Variants in LRRC27 observed in about 807,000 individuals in gnomAD.
The protein encoded by LRRC27 is leucine rich repeat containing 27, also known as leucine-rich repeat-containing protein 27.
A neutral mutation model predicts 55.0 loss-of-function variants in LRRC27; 57 were observed. The observed-to-expected ratio is 1.04, with a 90% CI of 0.84 to 1.29. LRRC27 has a LOEUF of 1.29. LRRC27 is among the 50% of genes most tolerant of loss of function. The pLI, the probability that LRRC27 is intolerant of heterozygous loss-of-function variation, is 0.00. For missense variants in LRRC27, 721 were observed against 651.5 expected, an observed-to-expected ratio of 1.11 and a Z score of -1.16; for synonymous variants, 278 against 251.9, an observed-to-expected ratio of 1.10 and a Z score of -0.98.
rs1006767409 is a variant in LRRC27 at position 132,372,717 on chromosome 10, G to T, written c.1417-2349G>T. On this transcript the variant is annotated intron_variant, in intron 10 of 10. Coordinates refer to ENST00000368614, the MANE Select transcript of LRRC27 (RefSeq NM_030626.3). The surrounding 1 kb of genome is among the most constrained non-coding windows in gnomAD (Gnocchi z 4.0). ...AGCTGACCAACCAGGCACCACAGTG[G>T]TGACAGCAGCCATGTTTGGCCTAAA... Among the ~76,000 whole-genome samples the T allele has an allele frequency of 2.0e-5, 3 of 152,230 alleles. No individual in the cohort carries two copies. The highest frequency in any genetic ancestry group is 4.4e-5 in the Non-Finnish European group (3 of 68,038).
At position 132,348,078 on chromosome 10, in the gene LRRC27, C is replaced by T. The variant is rs769922074; in HGVS notation, c.648C>T (p.Asn216=). Residue 216 remains asparagine, a synonymous_variant, in exon 6 of 11, where the codon AAC becomes AAT. Transcript: ENST00000368614. This position sits in a 1 kb window ranked among gnomAD's most constrained non-coding sequence, Gnocchi z 4.2. ...ACGCGTCTAACCAAGGAGCTGTGAA[C>T]GCTCAGGACCCAGAGGGGGCTGTGA... is the stretch of plus-strand genomic sequence containing the variant. ...GDHASNQGAV[N]AQDPEGAVMK... 78 of 1,613,992 alleles carry T rather than the reference C, an allele frequency of 4.8e-5. No homozygotes were observed. Among genetic ancestry groups the T allele is most frequent in the South Asian group, 4.7e-4 (43 of 91,090 alleles).
chr10:132,331,200 C>CAAAAAAAAA (rs35734065), upstream of LRRC27, among the ~76,000 whole-genome samples: 1 of 56,330 alleles, frequency 1.8e-5, no homozygotes, highest in African/African-American at 7.1e-5. Context: ...GACTCCACCT[C>CAAAAAAAAA]AAAAAAAAAA....
At chr10:132,345,523 T>A (rs2067639183) in intron 5 of LRRC27, among the ~76,000 whole-genome samples, 1 of 152,248 alleles carries the variant, frequency 6.6e-6, no homozygotes, top group South Asian at 2.1e-4. Flanking sequence ...CAGGTTATAG[T>A]GGCTGCATTG....
intron 10 of LRRC27, chr10:132,366,991 T>G: frequency 8.0e-7 from 1 of 1,243,756 alleles, no homozygotes; most frequent in Non-Finnish European, 1.0e-6. Flanking sequence ...TAAACTCTTA[T>G]TCTTTCTAAA....
Position 132,381,308 on chromosome 10 carries a change from A to G in LRRC27, c.*6066A>G, listed in dbSNP as rs2069407697. On this transcript the variant is annotated 3_prime_UTR_variant, in exon 11 of 11. Transcript: ENST00000368614. ...TTAGCTTTTGGACTCTTGGACCTACACTGGTGTTTTGCCAGGGGCTCTCGG... is the reference window on the plus strand; with the variant it reads ...TTAGCTTTTGGACTCTTGGACCTACGCTGGTGTTTTGCCAGGGGCTCTCGG... Among the ~76,000 whole-genome samples, 1 of 152,202 alleles carries G rather than the reference A, an allele frequency of 6.6e-6. No individual in the cohort carries two copies. Among genetic ancestry groups the G allele is most frequent in the Non-Finnish European group, 1.5e-5 (1 of 68,036 alleles).
In LRRC27 at chr10:132,380,662, A is replaced by G. The variant is rs2069400098; in HGVS notation, c.*5420A>G. On this transcript the variant is annotated 3_prime_UTR_variant, in exon 11 of 11. Coordinates refer to ENST00000368614, the MANE Select transcript of LRRC27 (RefSeq NM_030626.3). ...CAACAGAGTGAGACCCCAACTTGAAAAAAAGGGGACATCGGGATGTTCTTG... is the reference window on the plus strand; with the variant it reads ...CAACAGAGTGAGACCCCAACTTGAAGAAAAGGGGACATCGGGATGTTCTTG... Among the ~76,000 whole-genome samples, 1 of 152,210 alleles carries G rather than the reference A, an allele frequency of 6.6e-6. No homozygotes were observed. Among genetic ancestry groups the G allele is most frequent in the African/African-American group, 2.4e-5 (1 of 41,446 alleles).
intron 6 of LRRC27, chr10:132,350,291 C>T (rs776874383): frequency 1.3e-5 from 2 of 152,264 alleles, no homozygotes; most frequent in Non-Finnish European, 2.9e-5. Context: ...TGGAGTACGA[C>T]GGAGCATCAC....
In LRRC27 at chr10:132,348,293, C is replaced by T. The variant is rs774915268; in HGVS notation, c.863C>T (p.Pro288Leu). 19 of 1,613,954 alleles carry T rather than the reference C, an allele frequency of 1.2e-5. No homozygotes were observed. Among genetic ancestry groups the T allele is most frequent in the Non-Finnish European group, 1.5e-5 (18 of 1,180,056 alleles). Reference protein sequence around the residue: ...LGDQLLTRELPPNLKAALNIE... With the variant: ...LGDQLLTRELLPNLKAALNIE... ...GATCAGCTCTTGACGAGGGAATTAC[C>T]TCCAAATCTCAAGGCGGCCTTGAAC... The change falls in exon 6 of 11, where the codon CCT (proline) becomes CTT (leucine). Residue 288 changes from proline (P) to leucine (L), a missense_variant. By Grantham distance (98) the Pro-to-Leu change is moderately conservative (BLOSUM62 -3). Transcript: ENST00000368614. This position sits in a 1 kb window ranked among gnomAD's most constrained non-coding sequence, Gnocchi z 4.2.
At position 132,371,862 on chromosome 10, in the gene LRRC27, G is replaced by C. The variant is rs113097539; in HGVS notation, c.1417-3204G>C. Among the ~76,000 whole-genome samples the C allele has an allele frequency of 8.5e-4, 129 of 152,350 alleles. 2 individuals carry two copies. Among genetic ancestry groups the C allele is most frequent in the African/African-American group, 3.0e-3 (126 of 41,584 alleles). ...CTGCAGAGCCAGTGTGCAGGAGTCTGTCTCTGGTGGGGGTGCTGTCCTCTC... is the reference window on the plus strand; with the variant it reads ...CTGCAGAGCCAGTGTGCAGGAGTCTCTCTCTGGTGGGGGTGCTGTCCTCTC... On this transcript the variant is annotated intron_variant, in intron 10 of 10. Coordinates refer to ENST00000368614, the MANE Select transcript of LRRC27 (RefSeq NM_030626.3).
Position 132,379,239 on chromosome 10 carries a change from C to G in LRRC27, c.*3997C>G, listed in dbSNP as rs1299509198. Reference sequence around the variant, plus strand: ...CGTGTTCTCGGGGAGTGCGTGGTCTCAGATCCCATCCTGCTCCTCTCCAGA... The same window carrying G: ...CGTGTTCTCGGGGAGTGCGTGGTCTGAGATCCCATCCTGCTCCTCTCCAGA... On this transcript the variant is annotated 3_prime_UTR_variant, in exon 11 of 11. Coordinates refer to ENST00000368614, the MANE Select transcript of LRRC27 (RefSeq NM_030626.3). 2 of 139,968 alleles carry G rather than the reference C, an allele frequency of 1.4e-5. No homozygotes were observed. The highest frequency in any genetic ancestry group is 2.8e-5 in the African/African-American group (1 of 35,868). 8.7% of individuals were successfully genotyped at this position (139,968 alleles called of 1,614,324 possible).
intron 3 of LRRC27, among the ~76,000 whole-genome samples, chr10:132,338,613 C>G (rs11146337): frequency 6.6e-6 from 1 of 152,148 alleles, no homozygotes; most frequent in South Asian, 2.1e-4. Flanking sequence ...GTCCTCCTTT[C>G]CTGAGCTCTC....
intron 2 of LRRC27, among the ~76,000 whole-genome samples, chr10:132,336,552 G>T (rs910528271): frequency 2.6e-5 from 4 of 152,226 alleles, no homozygotes; most frequent in Non-Finnish European, 4.4e-5. Flanking sequence ...GGCATGTGGT[G>T]CTCTGTGCAA....
chr10:132,336,365 G>T (rs368420112), intron 2 of LRRC27, among the ~76,000 whole-genome samples: 1 of 152,238 alleles, frequency 6.6e-6, no homozygotes, highest in South Asian at 2.1e-4. Context: ...TTGCCAGGAT[G>T]CTTTCTGGAG....
intron 6 of LRRC27, chr10:132,349,206 C>G: frequency 1.5e-6 from 1 of 649,016 alleles, no homozygotes; most frequent in Non-Finnish European, 2.7e-6. Flanking sequence ...GCCGAGGGGA[C>G]AACAATGGCT....
At chr10:132,331,784 C>T, upstream of LRRC27, 1 of 1,607,270 alleles carries the variant, frequency 6.2e-7, no homozygotes, top group African/African-American at 1.3e-5. Context: ...CCCCTCCAGA[C>T]CCTCGCGGTC....
upstream of LRRC27, chr10:132,331,763 C>T (rs2066759426): frequency 6.2e-7 from 1 of 1,610,164 alleles, no homozygotes; most frequent in Non-Finnish European, 8.5e-7. Flanking sequence ...CCCTCTGTGC[C>T]AGGCCGGTCG....
chr10:132,330,518 CT>C (rs71694648), upstream of LRRC27: 64 of 697,950 alleles, frequency 9.2e-5, 1 homozygote, highest in Middle Eastern at 2.3e-4. Context: ...TGTACGAAAA[CT>C]TTTTTTTTGA....
upstream of LRRC27, chr10:132,332,038 A>C: frequency 3.3e-6 from 1 of 303,872 alleles, no homozygotes; most frequent in Admixed American, 5.5e-5. Context: ...CCGCCCCCGC[A>C]CGCAGGCACA....
rs890280195 is a variant in LRRC27 at position 132,374,450 on chromosome 10, G to A, written c.1417-616G>A. The stretch of plus-strand genomic sequence containing the variant: ...CAGTTTATCCACCTGAGGGCCCCCC[G>A]CAGTGCCCTCCTCAGCCTCACTTTG... On this transcript the variant is annotated intron_variant, in intron 10 of 10. Coordinates refer to ENST00000368614, the MANE Select transcript of LRRC27 (RefSeq NM_030626.3). The surrounding 1 kb of genome is among the most constrained non-coding windows in gnomAD (Gnocchi z 4.4). Among the ~76,000 whole-genome samples, 3 of 151,082 alleles carry A rather than the reference G, an allele frequency of 2.0e-5. No individual in the cohort carries two copies. The highest frequency in any genetic ancestry group is 2.1e-4 in the South Asian group (1 of 4,798).
Sources: allele counts gnomAD v4.1 joint callset (sites outside exome capture counted in the v4.1 genomes callset), GRCh38; gene constraint gnomAD v4.1.1; non-coding constraint Gnocchi (gnomAD v3.1); transcripts MANE v1.5; gene names NCBI Gene and HGNC (gene_info 2026-07-23, HGNC 2026-07-21).